GNG7: variants seen among roughly 807,000 people sequenced by gnomAD.
GNG7 encodes the protein guanine nucleotide-binding protein G(I)/G(S)/G(O) subunit gamma-7.
Under a neutral mutation model 4.0 loss-of-function variants are expected in GNG7, and 1 was observed. The ratio of observed to expected loss-of-function variants is 0.25; its 90% CI spans 0.09 to 1.18. The LOEUF is 1.18. Among genes scored for constraint, GNG7 ranks in the 50% most tolerant of loss-of-function variants. The pLI is 0.50. For synonymous variants in GNG7, 34 were observed against 36.9 expected (o/e 0.92, Z 0.29); for missense variants, 86 against 91.9 (o/e 0.94, Z 0.26).
chr19:2,664,220 G>A (rs181236794), intron 1 of GNG7, among the ~76,000 whole-genome samples: 3 of 152,316 alleles, frequency 2.0e-5, no homozygotes, highest in Non-Finnish European at 2.9e-5. Context: ...GTCTTGTCTC[G>A]TTGGAGGCTG....
chr19:2,574,323 C>A (rs1222515684), intron 2 of GNG7, among the ~76,000 whole-genome samples: 1 of 152,218 alleles, frequency 6.6e-6, no homozygotes, highest in Non-Finnish European at 1.5e-5. Context: ...TCACCACCAT[C>A]CTCTCCAGAA....
intron 2 of GNG7, among the ~76,000 whole-genome samples, chr19:2,627,944 T>C (rs1982061170): frequency 6.6e-6 from 1 of 152,228 alleles, no homozygotes; most frequent in Non-Finnish European, 1.5e-5. Context: ...ACCAGATCCC[T>C]GATCTTAATG....
intron 2 of GNG7, among the ~76,000 whole-genome samples, chr19:2,570,778 C>A (rs1980121455): frequency 6.6e-6 from 1 of 152,094 alleles, no homozygotes; most frequent in Non-Finnish European, 1.5e-5. Context: ...AAACCCCAAG[C>A]CTAAAAACAG....
At chr19:2,586,030 T>C (rs780714961) in intron 2 of GNG7, among the ~76,000 whole-genome samples, 3 of 152,224 alleles carry the variant, frequency 2.0e-5, no homozygotes, top group Non-Finnish European at 2.9e-5. Context: ...GTATCCCTTT[T>C]TCTTTAAATC....
rs954304073 is a variant in GNG7 at position 2,653,031 on chromosome 19, C to A, written c.-134-6751G>T. ...ACGTGAGCCCAGAAGGCAGAGGCTG[C>A]AGTGAACCGAGATCACACCACTGCA... On this transcript the variant is annotated intron_variant, in intron 1 of 4. Transcript: ENST00000382159. The surrounding 1 kb of genome is among the most constrained non-coding windows in gnomAD (Gnocchi z 4.8). 6.6e-6 allele frequency among the ~76,000 whole-genome samples: 1 copy of A among 151,092 alleles called. No homozygotes were observed. Among genetic ancestry groups the A allele is most frequent in the African/African-American group, 2.4e-5 (1 of 41,046 alleles).
intron 2 of GNG7, among the ~76,000 whole-genome samples, chr19:2,585,249 T>C (rs1568253059): frequency 1.3e-5 from 2 of 152,176 alleles, no homozygotes; most frequent in Non-Finnish European, 2.9e-5. Flanking sequence ...ACATGCACAA[T>C]TACATACATA....
intron 2 of GNG7, among the ~76,000 whole-genome samples, chr19:2,627,350 G>T (rs1982046246): frequency 6.6e-6 from 1 of 152,138 alleles, no homozygotes; most frequent in Non-Finnish European, 1.5e-5. Flanking sequence ...TTAAATGGCG[G>T]TAAGGGGGTG....
chr19:2,585,112 G>A (rs1599405947), intron 2 of GNG7, among the ~76,000 whole-genome samples: 2 of 65,600 alleles, frequency 3.0e-5, no homozygotes, highest in Non-Finnish European at 5.3e-5. Flanking sequence ...AGGAAGGAAG[G>A]AAAGAAGGTA....
intron 1 of GNG7, among the ~76,000 whole-genome samples, chr19:2,662,811 G>C (rs1644780364): frequency 6.6e-6 from 1 of 152,072 alleles, no homozygotes. Context: ...CTCCCCAGAG[G>C]CTGGAGGGTA....
intron 3 of GNG7, among the ~76,000 whole-genome samples, chr19:2,532,547 C>G (rs1453670495): frequency 2.0e-5 from 3 of 152,066 alleles, no homozygotes; most frequent in East Asian, 3.9e-4. Context: ...GAGAATGAAG[C>G]AGGAACAATC....
intron 2 of GNG7, chr19:2,610,111 G>A (rs2144821315): frequency 6.6e-6 from 1 of 152,228 alleles, no homozygotes; most frequent in Middle Eastern, 3.4e-3. Context: ...GGACAGCTCA[G>A]GTGGCCTCGG....
At chr19:2,585,641 T>A (rs886226764) in intron 2 of GNG7, among the ~76,000 whole-genome samples, 2 of 152,234 alleles carry the variant, frequency 1.3e-5, no homozygotes, top group African/African-American at 4.8e-5. Context: ...CTTTTCCTTT[T>A]AAAAACAAAA....
chr19:2,623,290 A>C (rs993685222), intron 2 of GNG7, among the ~76,000 whole-genome samples: 50 of 152,202 alleles, frequency 3.3e-4, no homozygotes, highest in African/African-American at 8.9e-4. Flanking sequence ...ACTGCACTCC[A>C]GCCTGGGCAA....
intron 2 of GNG7, among the ~76,000 whole-genome samples, chr19:2,584,402 T>C (rs1186714432): frequency 6.7e-6 from 1 of 150,262 alleles, no homozygotes; most frequent in Non-Finnish European, 1.5e-5. Flanking sequence ...TGTGATTGCA[T>C]CACTGTACTC....
chr19:2,688,226 C>G (rs930132086), intron 1 of GNG7, among the ~76,000 whole-genome samples: 2 of 152,232 alleles, frequency 1.3e-5, no homozygotes, highest in Admixed American at 6.5e-5. Flanking sequence ...GCACTCCAGC[C>G]TGGGCGACAG....
intron 2 of GNG7, among the ~76,000 whole-genome samples, chr19:2,629,415 G>A (rs1418577810): frequency 1.3e-5 from 2 of 152,134 alleles, no homozygotes; most frequent in African/African-American, 4.8e-5. Flanking sequence ...AGAATAGGAG[G>A]TCCCCAAGGA....
At chr19:2,561,501 C>T (rs1449800222) in intron 2 of GNG7, among the ~76,000 whole-genome samples, 2 of 152,090 alleles carry the variant, frequency 1.3e-5, no homozygotes, top group Non-Finnish European at 1.5e-5. Context: ...CTCTCTGCAC[C>T]CTGGCCTGGG....
chr19:2,631,378 G>A (rs1419083869), intron 2 of GNG7, among the ~76,000 whole-genome samples: 1 of 152,212 alleles, frequency 6.6e-6, no homozygotes, highest in Non-Finnish European at 1.5e-5. Context: ...CTCACGAGTG[G>A]TTATGAGATG....
intron 3 of GNG7, among the ~76,000 whole-genome samples, chr19:2,544,691 A>C (rs1270023938): frequency 2.0e-5 from 3 of 152,088 alleles, no homozygotes; most frequent in Admixed American, 6.6e-5. Context: ...GTGCTGGGCC[A>C]ACAGTGGCTC....
Sources: allele counts gnomAD v4.1 joint callset (sites outside exome capture counted in the v4.1 genomes callset), GRCh38; gene constraint gnomAD v4.1.1; non-coding constraint Gnocchi (gnomAD v3.1); transcripts MANE v1.5; gene names NCBI Gene and HGNC (gene_info 2026-07-23, HGNC 2026-07-21).